CEP112: variants seen among roughly 807,000 people sequenced by gnomAD.
CEP112 encodes the protein centrosomal protein 112.
A neutral mutation model predicts 153.0 loss-of-function variants in CEP112; 127 were observed. The ratio of observed to expected loss-of-function variants is 0.83; its 90% CI spans 0.72 to 0.96. CEP112 has a LOEUF of 0.96. Ranked by LOEUF, CEP112 falls within the 40% of genes least tolerant of loss-of-function variation. The pLI is 0.00. For synonymous variants in CEP112, 358 were observed against 374.4 expected (o/e 0.96, Z 0.51); for missense variants, 1,089 against 1,101.2 (o/e 0.99, Z 0.16).
chr17:65,668,305 A>C (rs940775571), intron 24 of CEP112, among the ~76,000 whole-genome samples: 1 of 152,064 alleles, frequency 6.6e-6, no homozygotes, highest in Non-Finnish European at 1.5e-5. Flanking sequence ...CACATCGAAA[A>C]CATCTCTGCC....
chr17:65,703,326 C>T (rs1040886197), intron 23 of CEP112, among the ~76,000 whole-genome samples: 17 of 152,062 alleles, frequency 1.1e-4, no homozygotes, highest in Admixed American at 5.2e-4. Context: ...GCTTGGCCAA[C>T]GTGGTGAAAC....
intron 19 of CEP112, among the ~76,000 whole-genome samples, chr17:65,914,753 C>T (rs951459546): frequency 6.6e-6 from 1 of 152,118 alleles, no homozygotes; most frequent in Non-Finnish European, 1.5e-5. Flanking sequence ...ATGTTTTTAG[C>T]TTATCTCATT....
intron 21 of CEP112, among the ~76,000 whole-genome samples, chr17:65,807,770 G>A (rs2055698978): frequency 6.6e-6 from 1 of 152,236 alleles, no homozygotes; most frequent in African/African-American, 2.4e-5. Context: ...CTAGATTTCT[G>A]AGGATGTATG....
intron 4 of CEP112, among the ~76,000 whole-genome samples, chr17:66,145,742 A>G (rs1463413053): frequency 1.3e-5 from 2 of 152,110 alleles, no homozygotes; most frequent in Non-Finnish European, 2.9e-5. Context: ...AAGCCTAAAA[A>G]TCAGGAAAGT....
At chr17:65,729,508 T>C (rs1292064826) in intron 23 of CEP112, among the ~76,000 whole-genome samples, 1 of 152,186 alleles carries the variant, frequency 6.6e-6, no homozygotes, top group African/African-American at 2.4e-5. Flanking sequence ...AAGGCTTACA[T>C]TTATGTCATT....
chr17:65,961,589 C>T lies in CEP112; in HGVS notation c.1746G>A (p.Glu582=). The T allele has an allele frequency of 6.2e-7, 1 of 1,610,848 alleles. No homozygotes were observed. Among genetic ancestry groups the T allele is most frequent in the Non-Finnish European group, 8.5e-7 (1 of 1,177,534 alleles). Residue 582 remains glutamate (E), a synonymous_variant, in exon 18 of 27, where the codon GAG becomes GAA. Coordinates refer to ENST00000535342, the MANE Select transcript of CEP112 (RefSeq NM_001199165.4). ...HKFEEALKEK[E]EQLTRVTEVQ... ...CTTCAGTCACACGAGTTAGCTGCTC[C>T]TCTTTTTCCCTAGAAAGGTTCAGAG...
At position 66,085,707 on chromosome 17, in the gene CEP112, G is replaced by A. The variant is rs140444287; in HGVS notation, c.768+10544C>T. ...AAAAGCAATGAAATGGGCTGAGCAC[G>A]GTGGCTCACGCCTGTAATCCCAGCA... On this transcript the variant is annotated intron_variant, in intron 8 of 26. Coordinates refer to ENST00000535342, the MANE Select transcript of CEP112 (RefSeq NM_001199165.4). Among the ~76,000 whole-genome samples, 679 of 152,018 alleles carry A rather than the reference G, an allele frequency of 4.5e-3. 6 individuals are homozygous for A. The highest frequency in any genetic ancestry group is 0.016 in the African/African-American group (649 of 41,464).
At chr17:65,804,285 C>T (rs1421306577) in intron 21 of CEP112, 1 of 152,006 alleles carries the variant, frequency 6.6e-6, no homozygotes, top group Non-Finnish European at 1.5e-5. Context: ...ATTAGATGAG[C>T]CGCTCATAAC....
intron 21 of CEP112, among the ~76,000 whole-genome samples, chr17:65,788,844 T>C (rs147720220): frequency 1.3e-3 from 191 of 152,316 alleles, no homozygotes; most frequent in African/African-American, 4.4e-3. Context: ...GAATTACTGA[T>C]TTTTAATTAA....
chr17:65,656,315 G>A (rs1265491437), intron 24 of CEP112, among the ~76,000 whole-genome samples: 1 of 152,176 alleles, frequency 6.6e-6, no homozygotes, highest in African/African-American at 2.4e-5. Flanking sequence ...ATTGAGAAGT[G>A]GAGAAAAATA....
intron 21 of CEP112, among the ~76,000 whole-genome samples, chr17:65,780,735 T>C (rs1252903510): frequency 2.6e-5 from 4 of 152,070 alleles, no homozygotes; most frequent in African/African-American, 9.7e-5. Context: ...GGTATAGTAC[T>C]CTTAGGAAGC....
chr17:66,116,863 CTTTT>C (rs35885142), intron 6 of CEP112, among the ~76,000 whole-genome samples: 4 of 119,184 alleles, frequency 3.4e-5, no homozygotes, highest in African/African-American at 1.2e-4. Context: ...CTCCAATCTC[CTTTT>C]TTTTTTTTTT....
Position 65,959,960 on chromosome 17 carries a change from G to A in CEP112, c.1872+1503C>T, listed in dbSNP as rs1272558187. ...GCCTTAGCAAAACTCAGGCAAAGGT[G>A]CCACTAGCCACAGAGGTTTCTGGCC... On this transcript the variant is annotated intron_variant, in intron 18 of 26. Transcript: ENST00000535342. 3.9e-5 allele frequency among the ~76,000 whole-genome samples: 6 copies of A among 152,152 alleles called. No individual in the cohort carries two copies. The South Asian group carries it at 1.0e-3, about 26-fold the overall frequency.
chr17:65,732,920 C>T (rs561713989), intron 23 of CEP112, among the ~76,000 whole-genome samples: 4 of 152,326 alleles, frequency 2.6e-5, no homozygotes, highest in East Asian at 3.9e-4. Flanking sequence ...TTGCTTTCTG[C>T]CATTCATGTG....
chr17:65,877,407 A>G (rs1316070676), intron 20 of CEP112, among the ~76,000 whole-genome samples: 1 of 152,210 alleles, frequency 6.6e-6, no homozygotes, highest in African/African-American at 2.4e-5. Flanking sequence ...CTCTGTGTAC[A>G]TTCTAAAAGA....
chr17:65,898,037 T>A (rs2059717555), intron 20 of CEP112, among the ~76,000 whole-genome samples: 1 of 152,110 alleles, frequency 6.6e-6, no homozygotes, highest in Non-Finnish European at 1.5e-5. Context: ...ACTGTAATAT[T>A]TTTTCTTCAG....
chr17:66,044,669 C>T (rs754692990), intron 12 of CEP112, among the ~76,000 whole-genome samples: 6 of 152,024 alleles, frequency 3.9e-5, no homozygotes, highest in Admixed American at 6.6e-5. Flanking sequence ...TGGTCAAATT[C>T]GTAAGAGACT....
chr17:65,671,428 G>A (rs1298095128), intron 24 of CEP112, among the ~76,000 whole-genome samples: 4 of 152,112 alleles, frequency 2.6e-5, no homozygotes, highest in Admixed American at 6.5e-5. Flanking sequence ...ACTGATGTAC[G>A]GACAAGAAGA....
rs796197234 is a variant in CEP112 at position 66,019,127 on chromosome 17, G to A, written c.1656+8374C>T. On this transcript the variant is annotated intron_variant, in intron 16 of 26. Coordinates refer to ENST00000535342, the MANE Select transcript of CEP112 (RefSeq NM_001199165.4). ...ATAATATGTGTGTGCTTAAATTAGG[G>A]ACAGCATCTGATGCTGTTTCTTTTA... Among the ~76,000 whole-genome samples, 8 of 152,170 alleles carry A rather than the reference G, an allele frequency of 5.3e-5. No individual in the cohort carries two copies. The South Asian group carries it at 8.3e-4, about 16-fold the overall frequency.
Sources: allele counts gnomAD v4.1 joint callset (sites outside exome capture counted in the v4.1 genomes callset), GRCh38; gene constraint gnomAD v4.1.1; transcripts MANE v1.5; gene names NCBI Gene and HGNC (gene_info 2026-07-23, HGNC 2026-07-21).